CTNNA2: variants seen among roughly 807,000 people sequenced by gnomAD.
The protein encoded by CTNNA2 is catenin alpha-2.
A neutral mutation model predicts 101.0 loss-of-function variants in CTNNA2; 42 were observed. The ratio of observed to expected loss-of-function variants is 0.42; its 90% CI spans 0.32 to 0.54. The LOEUF is 0.54. Ranked by LOEUF, CTNNA2 falls within the 20% of genes least tolerant of loss-of-function variation. The pLI is 0.14. For missense variants in CTNNA2, 871 were observed against 1,223.1 expected (o/e 0.71, Z 4.29); for synonymous variants, 450 against 456.4 (o/e 0.99, Z 0.18).
At chr2:80,524,654 C>T (rs1027302631) in intron 9 of CTNNA2, among the ~76,000 whole-genome samples, 2 of 152,176 alleles carry the variant, frequency 1.3e-5, no homozygotes, top group Non-Finnish European at 2.9e-5. Context: ...AGAATAGTCT[C>T]CCTATGCCAC....
Position 79,857,983 on chromosome 2 carries a change from C to T in CTNNA2, c.299-30C>T, listed in dbSNP as rs566148761. The T allele has an allele frequency of 1.4e-5, 22 of 1,597,936 alleles. No homozygotes were observed. In the East Asian group the frequency reaches 3.8e-4, roughly 28 times the overall value. On this transcript the variant is annotated intron_variant, in intron 3 of 18. Coordinates refer to ENST00000402739, the MANE Select transcript of CTNNA2 (RefSeq NM_001282597.3). ...GGCCAGTCTCTAAGCCTCTTGTCTA[C>T]CCACCTGCCTCTCCGTGTCTGTCTT...
chr2:80,606,367 AACACACACACACAC>A (rs67402125), intron 16 of CTNNA2, among the ~76,000 whole-genome samples: 30 of 137,508 alleles, frequency 2.2e-4, no homozygotes, highest in Non-Finnish European at 2.5e-4. Flanking sequence ...AAACACATCA[AACACACACACACAC>A]ACACACACAC....
chr2:79,319,553 A>G (rs1481761866), intron 3 of CTNNA2, among the ~76,000 whole-genome samples: 1 of 142,142 alleles, frequency 7.0e-6, no homozygotes, highest in Non-Finnish European at 1.5e-5. Context: ...TAATGCAGGT[A>G]ATTTATTTAA....
At chr2:79,899,021 T>C (rs72809793) in intron 6 of CTNNA2, among the ~76,000 whole-genome samples, 34,448 of 152,040 alleles carry the variant, frequency 0.23, 4,357 homozygotes, top group African/African-American at 0.33. Context: ...AGAACCACAG[T>C]AAAGCAGGGT....
chr2:79,362,679 C>T (rs1034537594), intron 3 of CTNNA2, among the ~76,000 whole-genome samples: 14 of 152,172 alleles, frequency 9.2e-5, no homozygotes, highest in Admixed American at 6.5e-4. Flanking sequence ...TACACCAATT[C>T]CAGGTAGAAA....
chr2:79,872,047 C>T (rs1295472475), intron 5 of CTNNA2, among the ~76,000 whole-genome samples: 1 of 152,134 alleles, frequency 6.6e-6, no homozygotes, highest in Admixed American at 6.5e-5. Context: ...GAATATGGTG[C>T]TGATATTTTG....
chr2:79,874,389 CAAA>C, intron 6 of CTNNA2, 47 bp downstream of exon 6: 8 of 1,297,734 alleles, frequency 6.2e-6, no homozygotes, highest in Admixed American at 4.6e-5. Flanking sequence ...CTGGTGTTGA[CAAA>C]AAAAAAAAAT....
chr2:79,216,669 C>T (rs911484267), intron 2 of CTNNA2, among the ~76,000 whole-genome samples: 15 of 142,520 alleles, frequency 1.1e-4, no homozygotes, highest in South Asian at 2.2e-4. Flanking sequence ...CCTAGAAAAG[C>T]GGTACTTGTG....
At chr2:80,522,643 A>T (rs940071864) in intron 9 of CTNNA2, among the ~76,000 whole-genome samples, 8 of 151,782 alleles carry the variant, frequency 5.3e-5, no homozygotes, top group African/African-American at 1.9e-4. Context: ...GATCATGGGG[A>T]TGGTTTAGTA....
intron 7 of CTNNA2, among the ~76,000 whole-genome samples, chr2:80,310,743 G>A (rs1415404815): frequency 4.6e-5 from 7 of 152,006 alleles, no homozygotes; most frequent in African/African-American, 1.4e-4. Flanking sequence ...AGGCCGAGGC[G>A]GGTGGATCAC....
chr2:79,806,309 A>T (rs1376102512), intron 3 of CTNNA2, among the ~76,000 whole-genome samples: 10 of 152,146 alleles, frequency 6.6e-5, no homozygotes, highest in Admixed American at 6.5e-4. Context: ...CAGGTAGATG[A>T]CTTGGGAGGC....
intron 7 of CTNNA2, chr2:80,162,649 C>G: frequency 5.0e-6 from 8 of 1,612,468 alleles, no homozygotes; most frequent in Non-Finnish European, 6.8e-6. Flanking sequence ...TTCATTCTGA[C>G]TTTACGCTGT....
chr2:80,183,445 A>C (rs1705916700), intron 7 of CTNNA2, among the ~76,000 whole-genome samples: 2 of 152,204 alleles, frequency 1.3e-5, no homozygotes, highest in African/African-American at 4.8e-5. Context: ...AAAACCACAA[A>C]AATGCTGTGT....
intron 7 of CTNNA2, among the ~76,000 whole-genome samples, chr2:80,094,118 G>C (rs1264231918): frequency 2.0e-5 from 3 of 152,120 alleles, no homozygotes; most frequent in African/African-American, 4.8e-5. Flanking sequence ...AGGTTTTCTT[G>C]TAGGGTTTTT....
Position 79,187,270 on chromosome 2 carries a change from C to CTTTTTTTT in CTNNA2, c.-524+1849_-524+1856dup, listed in dbSNP as rs781414965. ...CTTTTCTTTTCTTTTCTTTTCTTTT[C>CTTTTTTTT]TTTTTTTTTTTTTTTTTGAGACAGA... is the stretch of plus-strand genomic sequence containing the variant. On this transcript the variant is annotated intron_variant, in intron 1 of 21. Transcript: ENST00000466387. Among the ~76,000 whole-genome samples, 82 of 65,416 alleles carry CTTTTTTTT rather than the reference C, an allele frequency of 1.3e-3. 1 individual carries two copies. Among genetic ancestry groups the CTTTTTTTT allele is most frequent in the East Asian group, 5.5e-3 (12 of 2,168 alleles). The allele number at this position is 65,416 out of a possible 152,430, so 42.9% of individuals were successfully genotyped here. A position where few individuals can be genotyped will look rare whatever the true frequency, so the allele number is the denominator to read the frequency against.
At chr2:79,228,219 G>T (rs1212489184) in intron 2 of CTNNA2, among the ~76,000 whole-genome samples, 2 of 152,126 alleles carry the variant, frequency 1.3e-5, no homozygotes, top group Non-Finnish European at 2.9e-5. Context: ...TGAACATATG[G>T]GTGCATGGGA....
chr2:79,815,423 A>G (rs1049930089), intron 3 of CTNNA2, among the ~76,000 whole-genome samples: 2 of 151,622 alleles, frequency 1.3e-5, no homozygotes, highest in Admixed American at 1.3e-4. Flanking sequence ...TTAAGCCCTT[A>G]ATCCATCTTG....
intron 1 of CTNNA2, among the ~76,000 whole-genome samples, chr2:79,596,259 AC>A (rs1214044677): frequency 6.6e-6 from 1 of 152,202 alleles, no homozygotes. Flanking sequence ...TGAAATTTGA[AC>A]TAAGTATTTT....
chr2:80,544,950 C>A (rs555951519), intron 9 of CTNNA2, 32 bp from the exon 10 acceptor site: 1 of 1,590,896 alleles, frequency 6.3e-7, no homozygotes, highest in Non-Finnish European at 8.6e-7. Flanking sequence ...TTTGCCCCAA[C>A]CTAATATTCA....
Sources: allele counts gnomAD v4.1 joint callset (sites outside exome capture counted in the v4.1 genomes callset), GRCh38; gene constraint gnomAD v4.1.1; transcripts MANE v1.5; gene names NCBI Gene and HGNC (gene_info 2026-07-23, HGNC 2026-07-21).